Variants in DPP6 observed in about 807,000 individuals in gnomAD.
The protein encoded by DPP6 is dipeptidyl peptidase like 6.
A neutral mutation model predicts 122.6 loss-of-function variants in DPP6; 69 were observed. The observed-to-expected ratio is 0.56, with a 90% CI of 0.46 to 0.69. DPP6 has a LOEUF of 0.69. Ranked by LOEUF, DPP6 falls within the 30% of genes least tolerant of loss-of-function variation. The probability of loss-of-function intolerance (pLI) is 0.00; values close to 1 mark genes in which losing one functional copy is unlikely to be tolerated. For synonymous variants in DPP6, 418 were observed against 433.1 expected, an observed-to-expected ratio of 0.97 and a Z score of 0.43; for missense variants, 928 against 1,116.9, an observed-to-expected ratio of 0.83 and a Z score of 2.41.
At chr7:153,793,025 A>G in the DPP6 span, among the ~76,000 whole-genome samples, 1 of 152,140 alleles carries the variant, frequency 6.6e-6, no homozygotes, top group Non-Finnish European at 1.5e-5. Context: ...GTCCAGTTAA[A>G]CTTCTTTTTC....
the DPP6 span, among the ~76,000 whole-genome samples, chr7:153,779,795 C>T: frequency 7.4e-6 from 1 of 134,854 alleles, no homozygotes. Context: ...AGAAAAAGAA[C>T]ATTAGTGAAA....
chr7:154,659,263 A>T (rs561597457), intron 6 of DPP6, among the ~76,000 whole-genome samples: 1 of 152,370 alleles, frequency 6.6e-6, no homozygotes, highest in South Asian at 2.1e-4. Context: ...AGAGTTCCAT[A>T]GAGTAAACTT....
At chr7:154,429,965 C>T (rs1170319255) in intron 1 of DPP6, among the ~76,000 whole-genome samples, 1 of 152,168 alleles carries the variant, frequency 6.6e-6, no homozygotes, top group Admixed American at 6.5e-5. Flanking sequence ...GAATACAGGC[C>T]ATCCTTCCTG....
chr7:154,769,272 C>A, intron 8 of DPP6, 145 bp from the exon 9 acceptor site: 1 of 986,086 alleles, frequency 1.0e-6, no homozygotes, highest in Non-Finnish European at 1.5e-6. Flanking sequence ...GTGCAGAACA[C>A]AGTGAAGGTT....
At chr7:153,806,684 ATCT>A in the DPP6 span, among the ~76,000 whole-genome samples, 1 of 152,000 alleles carries the variant, frequency 6.6e-6, no homozygotes, top group Non-Finnish European at 1.5e-5. Flanking sequence ...ATGCCTCTAG[ATCT>A]TCTTTTCCTC....
intron 1 of DPP6, among the ~76,000 whole-genome samples, chr7:154,061,424 C>G (rs1366434361): frequency 1.4e-5 from 2 of 146,564 alleles, no homozygotes; most frequent in African/African-American, 5.0e-5. Flanking sequence ...GGCCGGTAGC[C>G]TACATCTCTA....
chr7:154,533,737 C>A (rs1435850656), intron 3 of DPP6, among the ~76,000 whole-genome samples: 3 of 152,152 alleles, frequency 2.0e-5, no homozygotes, highest in African/African-American at 7.2e-5. Flanking sequence ...GTGCCTCACA[C>A]CTCTAATTCC....
intron 10 of DPP6, among the ~76,000 whole-genome samples, chr7:154,792,464 T>TG (rs1398862381): frequency 2.0e-5 from 3 of 152,284 alleles, no homozygotes; most frequent in African/African-American, 7.2e-5. Flanking sequence ...ATATATTTTT[T>TG]TCTTATGATT....
intron 1 of DPP6, among the ~76,000 whole-genome samples, chr7:154,263,971 G>A (rs928301129): frequency 6.6e-6 from 1 of 152,056 alleles, no homozygotes; most frequent in Non-Finnish European, 1.5e-5. Context: ...AATTATAGGC[G>A]TGAGCCACTG....
the DPP6 span, among the ~76,000 whole-genome samples, chr7:153,792,670 T>C: frequency 6.6e-6 from 1 of 152,180 alleles, no homozygotes; most frequent in Non-Finnish European, 1.5e-5. Flanking sequence ...CTTTTTTTTT[T>C]TCAGAGCAGG....
chr7:153,999,813 G>A (rs1797603507), intron 1 of DPP6, among the ~76,000 whole-genome samples: 1 of 152,122 alleles, frequency 6.6e-6, no homozygotes, highest in South Asian at 2.1e-4. Flanking sequence ...ATAAAAATTA[G>A]CTGGGCATGG....
intron 5 of DPP6, among the ~76,000 whole-genome samples, chr7:154,637,581 G>A (rs1835807074): frequency 1.3e-5 from 2 of 152,160 alleles, no homozygotes; most frequent in Admixed American, 1.3e-4. Context: ...TCACACACCA[G>A]GTAGCCATGG....
intron 1 of DPP6, among the ~76,000 whole-genome samples, chr7:154,221,409 GGGATTACA>G (rs1800299889): frequency 6.6e-6 from 1 of 152,068 alleles, no homozygotes; most frequent in Non-Finnish European, 1.5e-5. Flanking sequence ...CCAAAGTGCT[GGGATTACA>G]GGCATGAGCC....
At chr7:154,056,880 A>C (rs1334044396) in intron 1 of DPP6, among the ~76,000 whole-genome samples, 1 of 152,188 alleles carries the variant, frequency 6.6e-6, no homozygotes, top group East Asian at 1.9e-4. Flanking sequence ...CTTCTGTTTC[A>C]ACTGTAATTT....
rs1256637220 is a variant in DPP6, at chr7:154,540,639, T to A, written c.552+13T>A. 6.2e-6 allele frequency: 9 copies of A among 1,442,294 alleles called. No homozygotes were observed. Among genetic ancestry groups the A allele is most frequent in the Middle Eastern group, 1.7e-4 (1 of 5,722 alleles). 89.3% of individuals were successfully genotyped at this position (1,442,294 alleles called of 1,614,324 possible). ...AGGCAAAAAAATTGTAAGTACTCTC[T>A]TTAATGACCGGGATAATTTCAGTTT... On this transcript the variant is annotated intron_variant, in intron 4 of 25. Transcript: ENST00000377770.
chr7:153,803,987 T>G, the DPP6 span, among the ~76,000 whole-genome samples: 1 of 151,822 alleles, frequency 6.6e-6, no homozygotes, highest in Non-Finnish European at 1.5e-5. Context: ...TTTGCTCAAA[T>G]GTTAACTTTT....
chr7:154,622,374 T>C (rs1280787002), intron 5 of DPP6, among the ~76,000 whole-genome samples: 1 of 152,214 alleles, frequency 6.6e-6, no homozygotes, highest in Admixed American at 6.5e-5. Context: ...GGAGGCCCAA[T>C]TGACCCTGCT....
At chr7:154,008,737 C>G (rs959321727) in intron 1 of DPP6, among the ~76,000 whole-genome samples, 21 of 148,684 alleles carry the variant, frequency 1.4e-4, no homozygotes, top group African/African-American at 5.0e-4. Context: ...TCTCGGCTCA[C>G]TGCAAGCTCC....
At chr7:154,023,115 A>G (rs1798784948) in intron 1 of DPP6, among the ~76,000 whole-genome samples, 1 of 151,914 alleles carries the variant, frequency 6.6e-6, no homozygotes, top group Non-Finnish European at 1.5e-5. Context: ...TCAGGATTCC[A>G]TGAATGTACC....
Sources: gnomAD v4.1 joint callset for allele counts (sites outside exome capture counted in the v4.1 genomes callset) on GRCh38, gnomAD v4.1.1 for gene constraint, MANE v1.5 for transcripts, NCBI Gene and HGNC (gene_info 2026-07-23, HGNC 2026-07-21) for gene names.